Variants in GRID1 observed in about 807,000 individuals in gnomAD.
The protein encoded by GRID1 is glutamate receptor ionotropic, delta-1.
In GRID1, 28 loss-of-function variants were observed where a neutral mutation model predicts 98.0. The observed-to-expected ratio is 0.29, with a 90% CI of 0.21 to 0.39. The LOEUF is 0.39. Ranked by LOEUF, GRID1 falls within the 10% of genes least tolerant of loss-of-function variation. GRID1 has a pLI of 1.00. For missense variants in GRID1, 1,111 were observed against 1,340.5 expected, an observed-to-expected ratio of 0.83 and a Z score of 2.67; for synonymous variants, 553 against 538.5, an observed-to-expected ratio of 1.03 and a Z score of -0.37.
At chr10:85,657,709 G>A (rs1218959432) in intron 12 of GRID1, among the ~76,000 whole-genome samples, 5 of 152,166 alleles carry the variant, frequency 3.3e-5, no homozygotes, top group Non-Finnish European at 2.9e-5. Context: ...GTGGGTCCAG[G>A]CTGCCCAGGA....
At chr10:86,087,290 A>G (rs988731429) in intron 4 of GRID1, among the ~76,000 whole-genome samples, 4 of 151,436 alleles carry the variant, frequency 2.6e-5, no homozygotes, top group African/African-American at 9.7e-5. Flanking sequence ...TGTGTGTAAT[A>G]TGTTAGTATG....
chr10:86,364,633 T>C (rs4934191), intron 1 of GRID1, among the ~76,000 whole-genome samples: 54,196 of 152,174 alleles, frequency 0.36, 11,076 homozygotes, highest in Admixed American at 0.5. Context: ...GGGGTCTTCC[T>C]TAGGCAGGGG....
intron 4 of GRID1, among the ~76,000 whole-genome samples, chr10:86,064,663 T>A (rs1032635326): frequency 3.3e-5 from 5 of 152,180 alleles, no homozygotes; most frequent in African/African-American, 9.7e-5. Flanking sequence ...CTGCTACCTC[T>A]CACCTCTCCG....
Position 85,895,407 on chromosome 10 carries a change from G to A in GRID1, c.780+20779C>T, listed in dbSNP as rs373960133. Among the ~76,000 whole-genome samples, 267 of 152,146 alleles carry A rather than the reference G, an allele frequency of 1.8e-3. 1 individual carries two copies. Among genetic ancestry groups the A allele is most frequent in the African/African-American group, 6.3e-3 (263 of 41,496 alleles). On this transcript the variant is annotated intron_variant, in intron 5 of 15. Coordinates refer to ENST00000327946, the MANE Select transcript of GRID1 (RefSeq NM_017551.3). The stretch of plus-strand genomic sequence containing the variant: ...TACAAAATGCTCTAGTGTCTCCTCA[G>A]CTCAATCAGAAGACAAGCCAAGTCC...
rs1324273834 is a variant in GRID1 at position 85,869,031 on chromosome 10, T to C, written c.930A>G (p.Glu310=). 6.2e-7 allele frequency: 1 copy of C among 1,613,874 alleles called. No individual in the cohort carries two copies. Among genetic ancestry groups the C allele is most frequent in the East Asian group, 2.2e-5 (1 of 44,858 alleles). The change falls in exon 6 of 16, where the codon GAA becomes GAG. Residue 310 remains glutamate (E), a synonymous_variant. Transcript: ENST00000327946. ...TGACCTGCAGCATCTGGAGGTAGCCTTCCTGGGGGTCGCAGAGCAGGGAGG... is the reference window on the plus strand; with the variant it reads ...TGACCTGCAGCATCTGGAGGTAGCCCTCCTGGGGGTCGCAGAGCAGGGAGG... The part of the protein sequence containing the change: ...RISSLLCDPQ[E]GYLQMLQISN...
rs1267980360 is a variant in GRID1 at position 86,092,893 on chromosome 10, G to A, written c.726+45926C>T. 2.6e-5 allele frequency among the ~76,000 whole-genome samples: 4 copies of A among 152,202 alleles called. No homozygotes were observed. In the South Asian group the frequency reaches 8.3e-4, roughly 32 times the overall value. On this transcript the variant is annotated intron_variant, in intron 4 of 15. Coordinates refer to ENST00000327946, the MANE Select transcript of GRID1 (RefSeq NM_017551.3). ...TACCTTGGAACAAATGGACTTAGCA[G>A]ATATATACAGAACATTCAATCCAGC...
rs538525664 is a variant in GRID1 at position 85,722,927 on chromosome 10, C to T, written c.1997+76G>A. The T allele has an allele frequency of 2.7e-5, 36 of 1,314,750 alleles. No individual in the cohort carries two copies. In the African/African-American group the frequency reaches 5.1e-4, roughly 19 times the overall value. The allele number at this position is 1,314,750 out of a possible 1,614,324, so 81.4% of individuals were successfully genotyped here. A position where few individuals can be genotyped will look rare whatever the true frequency, so the allele number is the denominator to read the frequency against. ...TCAGGGCTCTCTCCATCATACCACA[C>T]TGCCCTGGAAAGGTTTACATCCTCT... On this transcript the variant is annotated intron_variant, in intron 12 of 15. Coordinates refer to ENST00000327946, the MANE Select transcript of GRID1 (RefSeq NM_017551.3).
At chr10:86,100,766 G>T (rs184864430) in intron 4 of GRID1, among the ~76,000 whole-genome samples, 169 of 152,352 alleles carry the variant, frequency 1.1e-3, no homozygotes, top group Non-Finnish European at 1.1e-3. Context: ...CACGCAGGAC[G>T]TGTCTTCTTG....
At position 86,220,186 on chromosome 10, in the gene GRID1, C is replaced by T. The variant is rs141446596; in HGVS notation, c.236-13538G>A. 2.8e-4 allele frequency among the ~76,000 whole-genome samples: 43 copies of T among 152,348 alleles called. No homozygotes were observed. The East Asian group carries it at 8.3e-3, about 29-fold the overall frequency. On this transcript the variant is annotated intron_variant, in intron 2 of 15. Coordinates refer to ENST00000327946, the MANE Select transcript of GRID1 (RefSeq NM_017551.3). Reference sequence around the variant, plus strand: ...TCATTTACCAATCAAGTGCTAAACACACTCCTTCTTGGCCCCTTTGAAACT... The same window carrying T: ...TCATTTACCAATCAAGTGCTAAACATACTCCTTCTTGGCCCCTTTGAAACT...
intron 2 of GRID1, among the ~76,000 whole-genome samples, chr10:86,208,905 A>G (rs1846071324): frequency 6.6e-6 from 1 of 152,256 alleles, no homozygotes; most frequent in Non-Finnish European, 1.5e-5. Context: ...TTCAGAGGAC[A>G]CTATCCATAC....
intron 2 of GRID1, among the ~76,000 whole-genome samples, chr10:86,341,481 A>C (rs1848309650): frequency 6.6e-6 from 1 of 152,176 alleles, no homozygotes; most frequent in Non-Finnish European, 1.5e-5. Context: ...GTGGCTTTTC[A>C]GCAGCCAGTG....
intron 2 of GRID1, among the ~76,000 whole-genome samples, chr10:86,331,821 C>T (rs1848146578): frequency 6.6e-6 from 1 of 152,194 alleles, no homozygotes; most frequent in Admixed American, 6.5e-5. Context: ...AGAACAAGCG[C>T]TCAGTAAAAG....
chr10:85,728,224 A>T (rs1841784290), intron 9 of GRID1, among the ~76,000 whole-genome samples, 172 bp from the exon 10 acceptor site: 1 of 152,228 alleles, frequency 6.6e-6, no homozygotes, highest in African/African-American at 2.4e-5. Context: ...ACACTCAAGG[A>T]ACAGTGCACA....
intron 14 of GRID1, among the ~76,000 whole-genome samples, chr10:85,614,124 A>C (rs2132515005): frequency 6.6e-6 from 1 of 152,348 alleles, no homozygotes; most frequent in South Asian, 2.1e-4. Context: ...ATTTGATTTG[A>C]GGATCTTCTG....
intron 2 of GRID1, among the ~76,000 whole-genome samples, chr10:86,248,563 C>CTTTTTTTT (rs200060771): frequency 5.7e-5 from 7 of 121,854 alleles, no homozygotes; most frequent in African/African-American, 9.5e-5. Flanking sequence ...CATGACAATT[C>CTTTTTTTT]TTTTTTTTTT....
chr10:86,132,359 C>A (rs1172836042), intron 4 of GRID1, among the ~76,000 whole-genome samples: 1 of 152,152 alleles, frequency 6.6e-6, no homozygotes, highest in Non-Finnish European at 1.5e-5. Flanking sequence ...GAGTTCCAAG[C>A]CCATCTGAAC....
chr10:85,868,915 G>T, intron 6 of GRID1, 95 bp downstream of exon 6: 1 of 958,470 alleles, frequency 1.0e-6, no homozygotes, highest in Non-Finnish European at 1.6e-6. Flanking sequence ...AATTGAAGTT[G>T]GTGGCAATAG....
intron 4 of GRID1, among the ~76,000 whole-genome samples, chr10:85,935,735 G>T (rs1004138098): frequency 6.6e-6 from 1 of 152,228 alleles, no homozygotes; most frequent in African/African-American, 2.4e-5. Flanking sequence ...ACTCTGTGAG[G>T]TAGGTGCTGT....
chr10:85,901,231 A>AT lies in GRID1; in HGVS notation c.780+14954dup, dbSNP rs201389360. Among the ~76,000 whole-genome samples the AT allele has an allele frequency of 3.1e-3, 343 of 111,802 alleles. 7 individuals are homozygous for AT. Among genetic ancestry groups the AT allele is most frequent in the Admixed American group, 0.016 (185 of 11,220 alleles). 73.3% of individuals were successfully genotyped at this position (111,802 alleles called of 152,430 possible). A position where few individuals can be genotyped will look rare whatever the true frequency, so the allele number is the denominator to read the frequency against. The stretch of plus-strand genomic sequence containing the variant: ...TTATTCATTTATTTTATTTTATTTT[A>AT]TTTATTTATTTATTTATTTATTTAT... On this transcript the variant is annotated intron_variant, in intron 5 of 15. Coordinates refer to ENST00000327946, the MANE Select transcript of GRID1 (RefSeq NM_017551.3).
Sources: gnomAD v4.1 joint callset for allele counts (sites outside exome capture counted in the v4.1 genomes callset) on GRCh38, gnomAD v4.1.1 for gene constraint, MANE v1.5 for transcripts, NCBI Gene and HGNC (gene_info 2026-07-23, HGNC 2026-07-21) for gene names.